The following ROBO1 variants were observed in gnomAD, a reference collection of about 807,000 sequenced individuals.
The protein encoded by ROBO1 is roundabout homolog 1.
A neutral mutation model predicts 195.9 loss-of-function variants in ROBO1; 149 were observed. The ratio of observed to expected loss-of-function variants is 0.76; its 90% CI spans 0.67 to 0.87. The LOEUF (loss-of-function observed/expected upper bound fraction) is 0.87. Among genes scored for constraint, ROBO1 ranks in the 40% least tolerant of loss-of-function variants. ROBO1 has a pLI of 0.00. For missense variants in ROBO1, 1,933 were observed against 2,068.3 expected (o/e 0.93, Z 1.27); for synonymous variants, 816 against 733.2 (o/e 1.11, Z -1.82).
chr3:78,761,497 T>C (rs542081662), intron 4 of ROBO1, among the ~76,000 whole-genome samples: 13 of 152,226 alleles, frequency 8.5e-5, no homozygotes, highest in Non-Finnish European at 1.8e-4. Context: ...CAAGTACTTC[T>C]ACTGAACTTA....
intron 4 of ROBO1, among the ~76,000 whole-genome samples, chr3:78,786,574 C>G (rs1394558627): frequency 6.6e-6 from 1 of 152,038 alleles, no homozygotes; most frequent in Non-Finnish European, 1.5e-5. Flanking sequence ...GTGGGAGGGA[C>G]CCGGTAGGAG....
intron 4 of ROBO1, among the ~76,000 whole-genome samples, chr3:78,896,325 C>CA (rs2037226066): frequency 6.6e-6 from 1 of 152,140 alleles, no homozygotes; most frequent in Non-Finnish European, 1.5e-5. Flanking sequence ...TGCACCTATA[C>CA]ATCCAGATGG....
In ROBO1 at chr3:78,600,249, C is replaced by A. The variant is rs149473563; in HGVS notation, c.4805G>T (p.Ser1602Ile). Residue 1602 changes from serine (S) to isoleucine (I), a missense_variant, in exon 30 of 31, where the codon AGT (serine) becomes ATT (isoleucine). This residue lies in a region of ROBO1 where 1,737 missense variants were observed against 1,882.5 expected (regional missense o/e 0.92). Transcript: ENST00000464233. ...FPTSNNPRDP[S>I]SSSSMSSRGS... is the part of the protein sequence containing the mutation. Reference sequence around the variant, plus strand: ...TCTTGATGACATTGAGCTTGAGGAACTGGGATCTCTGGGATTATTTGATGT... The same window carrying A: ...TCTTGATGACATTGAGCTTGAGGAAATGGGATCTCTGGGATTATTTGATGT... The A allele has an allele frequency of 2.5e-6, 4 of 1,613,166 alleles. No individual in the cohort carries two copies. Among genetic ancestry groups the A allele is most frequent in the Admixed American group, 1.7e-5 (1 of 59,966 alleles).
chr3:79,501,916 TG>T (rs1486557717), intron 2 of ROBO1, among the ~76,000 whole-genome samples: 1 of 152,224 alleles, frequency 6.6e-6, no homozygotes, highest in African/African-American at 2.4e-5. Context: ...TGTGTAGAAT[TG>T]TTTTTGTTAA....
At chr3:79,164,799 C>T (rs57972476) in intron 2 of ROBO1, among the ~76,000 whole-genome samples, 3,852 of 152,172 alleles carry the variant, frequency 0.025, 144 homozygotes, top group African/African-American at 0.084. Context: ...CTGTTGTGGC[C>T]TAATGGTTTC....
intron 2 of ROBO1, among the ~76,000 whole-genome samples, chr3:79,152,299 T>C (rs1249395471): frequency 1.3e-5 from 2 of 151,884 alleles, no homozygotes; most frequent in African/African-American, 2.4e-5. Context: ...AAGATAATAT[T>C]TCTAATAAGT....
intron 3 of ROBO1, among the ~76,000 whole-genome samples, chr3:79,069,795 G>A (rs2079057335): frequency 6.6e-6 from 1 of 151,664 alleles, no homozygotes; most frequent in African/African-American, 2.4e-5. Flanking sequence ...TGATAGCAAT[G>A]GTAGTTACTT....
chr3:78,790,477 A>G (rs577705970), intron 4 of ROBO1, among the ~76,000 whole-genome samples: 172 of 152,238 alleles, frequency 1.1e-3, no homozygotes, highest in South Asian at 2.3e-3. Context: ...CAATCCAGTT[A>G]TACTCTCTTA....
At chr3:78,642,184 A>G (rs891285735) in intron 21 of ROBO1, among the ~76,000 whole-genome samples, 4 of 152,142 alleles carry the variant, frequency 2.6e-5, no homozygotes, top group Middle Eastern at 3.2e-3. Flanking sequence ...ATATTATCAT[A>G]TAATATAATA....
At chr3:79,689,936 T>C (rs1217541562) in intron 1 of ROBO1, among the ~76,000 whole-genome samples, 1 of 152,010 alleles carries the variant, frequency 6.6e-6, no homozygotes, top group East Asian at 1.9e-4. Flanking sequence ...AAGTAGTTCT[T>C]ACTTATAAAA....
Position 78,700,991 on chromosome 3 carries a change from T to TA in ROBO1, c.1046-12220dup, listed in dbSNP as rs563349357. On this transcript the variant is annotated intron_variant, in intron 8 of 30. Transcript: ENST00000464233. ...GTTGGCCAGGCTTGTCTCGAACTGG[T>TA]AACCTCGGGTGATCCACCCGCCTCA... 3.0e-3 allele frequency among the ~76,000 whole-genome samples: 452 copies of TA among 152,260 alleles called. 3 individuals are homozygous for TA. Among genetic ancestry groups the TA allele is most frequent in the African/African-American group, 9.9e-3 (412 of 41,558 alleles).
At chr3:78,918,102 T>G (rs1303895460) in intron 4 of ROBO1, among the ~76,000 whole-genome samples, 1 of 152,152 alleles carries the variant, frequency 6.6e-6, no homozygotes, top group Non-Finnish European at 1.5e-5. Context: ...CATGAAAACA[T>G]TAGATTGTGA....
At chr3:79,542,739 A>C (rs1942120739) in intron 2 of ROBO1, among the ~76,000 whole-genome samples, 1 of 152,094 alleles carries the variant, frequency 6.6e-6, no homozygotes, top group South Asian at 2.1e-4. Context: ...CTCAGCTAGT[A>C]AGCGGTTGAG....
chr3:79,726,940 C>T (rs1702952457), intron 1 of ROBO1, among the ~76,000 whole-genome samples: 1 of 152,194 alleles, frequency 6.6e-6, no homozygotes, highest in Non-Finnish European at 1.5e-5. Flanking sequence ...AGCACCATCT[C>T]ATAGTCTTAG....
chr3:79,683,785 C>T (rs1313950911), intron 1 of ROBO1, among the ~76,000 whole-genome samples: 3 of 151,668 alleles, frequency 2.0e-5, no homozygotes, highest in African/African-American at 7.3e-5. Flanking sequence ...CCCTTCATTC[C>T]TTTTTTTTGA....
In ROBO1 at chr3:78,938,669, A is replaced by G; in HGVS notation, c.431T>C (p.Val144Ala). Reference sequence around the variant, plus strand: ...GTAATTCCTTGCTACACAGACATAGACTCCTTCATCAGGTCTACTTTTCCG... The same window carrying G: ...GTAATTCCTTGCTACACAGACATAGGCTCCTTCATCAGGTCTACTTTTCCG... Reference protein sequence around the residue: ...HGRKSRPDEGVYVCVARNYLG... With the variant: ...HGRKSRPDEGAYVCVARNYLG... The change falls in exon 4 of 31, where the codon GTC (valine) becomes GCC (alanine). Residue 144 changes from valine to alanine, a missense_variant. Coordinates refer to ENST00000464233, the MANE Select transcript of ROBO1 (RefSeq NM_002941.4). 4 of 1,613,706 alleles carry G rather than the reference A, an allele frequency of 2.5e-6. No homozygotes were observed. The highest frequency in any genetic ancestry group is 3.4e-6 in the Non-Finnish European group (4 of 1,179,826).
At chr3:78,652,994 A>T (rs927056069) in intron 18 of ROBO1, among the ~76,000 whole-genome samples, 3 of 152,052 alleles carry the variant, frequency 2.0e-5, no homozygotes, top group African/African-American at 7.2e-5. Context: ...TGCAATTTTG[A>T]TGTTCTTCCC....
intron 4 of ROBO1, among the ~76,000 whole-genome samples, chr3:78,856,416 T>C (rs2034440462): frequency 6.6e-6 from 1 of 151,948 alleles, no homozygotes. Context: ...ATAACTTTCC[T>C]ATGCTTATTA....
chr3:78,908,071 A>G (rs1424830614), intron 4 of ROBO1, among the ~76,000 whole-genome samples: 1 of 151,984 alleles, frequency 6.6e-6, no homozygotes, highest in East Asian at 1.9e-4. Flanking sequence ...ATTGTTATGT[A>G]TTTCTCTAAA....
Sources: allele counts gnomAD v4.1 joint callset (sites outside exome capture counted in the v4.1 genomes callset), GRCh38; gene constraint gnomAD v4.1.1; regional missense constraint gnomAD v4.1.1; transcripts MANE v1.5; gene names NCBI Gene and HGNC (gene_info 2026-07-23, HGNC 2026-07-21).